PPIG: variants seen among roughly 807,000 people sequenced by gnomAD.
PPIG encodes the protein peptidylprolyl isomerase G.
A neutral mutation model predicts 87.9 loss-of-function variants in PPIG; 26 were observed. That is an observed-to-expected ratio of 0.30 (90% CI 0.22 to 0.41). The LOEUF (loss-of-function observed/expected upper bound fraction) is 0.41, where lower values mean the gene tolerates loss of function less well. Ranked by LOEUF, PPIG falls within the 10% of genes least tolerant of loss-of-function variation. The pLI, the probability that PPIG is intolerant of heterozygous loss-of-function variation, is 1.00. For synonymous variants in PPIG, 308 were observed against 276.5 expected, an observed-to-expected ratio of 1.11 and a Z score of -1.13; for missense variants, 722 against 879.4, an observed-to-expected ratio of 0.82 and a Z score of 2.26.
chr2:169,587,776 G>A (rs1463932356), intron 1 of PPIG, among the ~76,000 whole-genome samples: 5 of 152,068 alleles, frequency 3.3e-5, no homozygotes, highest in Non-Finnish European at 1.5e-5. Context: ...TTAGAATAAT[G>A]GCTTAAAATG....
At chr2:169,590,426 G>T (rs1684832768) in intron 1 of PPIG, among the ~76,000 whole-genome samples, 1 of 152,174 alleles carries the variant, frequency 6.6e-6, no homozygotes, top group South Asian at 2.1e-4. Flanking sequence ...GGATCACCAG[G>T]TCAGGAGATC....
At position 169,608,690 on chromosome 2, in the gene PPIG, A is replaced by G. The variant is rs199774554; in HGVS notation, c.309A>G (p.Lys103=). Residue 103 remains lysine (K), a synonymous_variant, in exon 7 of 14, where the codon AAA becomes AAG. Coordinates refer to ENST00000260970, the MANE Select transcript of PPIG (RefSeq NM_004792.3). ...CTATAGACGAGAGTTTCGCTGTTAA[A>G]CACAACAAAGAATTTCTCTTGTCAA... ...GFFEDESFAV[K]HNKEFLLSMA... 1.9e-6 allele frequency: 3 copies of G among 1,610,076 alleles called. No individual in the cohort carries two copies. Among genetic ancestry groups the G allele is most frequent in the African/African-American group, 2.7e-5 (2 of 74,956 alleles).
At position 169,602,996 on chromosome 2, in the gene PPIG, A is replaced by G. The variant is rs1685226063; in HGVS notation, c.-69-646A>G. Among the ~76,000 whole-genome samples, 3 of 152,194 alleles carry G rather than the reference A, an allele frequency of 2.0e-5. No homozygotes were observed. The East Asian group carries it at 5.8e-4, about 29-fold the overall frequency. ...GATAATGAGGTATGAGGGAAAGTGG[A>G]ACCGAAGATGACCCCCAGGTTTTCA... On this transcript the variant is annotated intron_variant, in intron 1 of 13. Coordinates refer to ENST00000260970, the MANE Select transcript of PPIG (RefSeq NM_004792.3).
At chr2:169,635,770 G>T (rs143161183) in intron 12 of PPIG, among the ~76,000 whole-genome samples, 25 of 152,280 alleles carry the variant, frequency 1.6e-4, no homozygotes, top group Non-Finnish European at 4.4e-5. Context: ...TGGAGAAGAC[G>T]TATGGCTAGC....
At chr2:169,631,670 A>G in intron 10 of PPIG, 96 bp from the exon 11 acceptor site, 2 of 1,580,650 alleles carry the variant, frequency 1.3e-6, no homozygotes, top group Non-Finnish European at 1.7e-6. Flanking sequence ...TGTTTATATT[A>G]TAGTGATATA....
intron 5 of PPIG, 147 bp downstream of exon 5, chr2:169,606,293 T>TAAAAGAAGG (rs1388211875): frequency 2.8e-6 from 2 of 711,186 alleles, no homozygotes; most frequent in East Asian, 5.6e-5. Flanking sequence ...TAGAAATATG[T>TAAAAGAAGG]AAAAGAAGGA....
intron 1 of PPIG, among the ~76,000 whole-genome samples, chr2:169,592,438 G>A (rs964811182): frequency 7.3e-5 from 11 of 151,212 alleles, no homozygotes; most frequent in Non-Finnish European, 1.2e-4. Context: ...CAGAGTAGCT[G>A]GGACTACAGG....
At chr2:169,607,183 A>G in intron 6 of PPIG, 35 bp downstream of exon 6, 2 of 1,317,490 alleles carry the variant, frequency 1.5e-6, no homozygotes, top group South Asian at 1.3e-5. Context: ...TGTTTTAAAT[A>G]TTTTGTCTTT....
At chr2:169,591,730 C>T (rs1160884128) in intron 1 of PPIG, among the ~76,000 whole-genome samples, 3 of 150,804 alleles carry the variant, frequency 2.0e-5, no homozygotes, top group Non-Finnish European at 4.4e-5. Context: ...CTGTTGGGAG[C>T]AGACTATGCT....
chr2:169,629,393 A>T (rs1685979065), intron 9 of PPIG, among the ~76,000 whole-genome samples: 1 of 152,244 alleles, frequency 6.6e-6, no homozygotes, highest in South Asian at 2.1e-4. Context: ...GACAGTGTTC[A>T]GATTGTAATT....
chr2:169,620,225 T>G (rs886548306), intron 9 of PPIG, among the ~76,000 whole-genome samples: 3 of 152,172 alleles, frequency 2.0e-5, no homozygotes, highest in African/African-American at 7.2e-5. Flanking sequence ...AGTCTTATGT[T>G]TAAGTCATTA....
At chr2:169,591,557 T>C (rs1396455616) in intron 1 of PPIG, among the ~76,000 whole-genome samples, 1 of 152,174 alleles carries the variant, frequency 6.6e-6, no homozygotes, top group Non-Finnish European at 1.5e-5. Context: ...TTATTAAAAA[T>C]GTGTTTTCAT....
intron 1 of PPIG, among the ~76,000 whole-genome samples, chr2:169,596,523 G>T (rs528694510): frequency 6.6e-6 from 1 of 152,308 alleles, no homozygotes; most frequent in Non-Finnish European, 1.5e-5. Flanking sequence ...CCTTTAGACT[G>T]CTCAGTGAGG....
At chr2:169,607,222 T>G in intron 6 of PPIG, 74 bp downstream of exon 6, 2 of 967,660 alleles carry the variant, frequency 2.1e-6, no homozygotes, top group South Asian at 3.2e-5. Flanking sequence ...ATGGAATCAA[T>G]AACATTATTC....
intron 1 of PPIG, among the ~76,000 whole-genome samples, chr2:169,585,493 T>G (rs1684676002): frequency 6.6e-6 from 1 of 151,962 alleles, no homozygotes; most frequent in African/African-American, 2.4e-5. Flanking sequence ...TCTCCTGACC[T>G]CGTGATCCGC....
intron 1 of PPIG, among the ~76,000 whole-genome samples, chr2:169,587,249 CT>C (rs200396581): frequency 1.0e-4 from 14 of 137,788 alleles, no homozygotes; most frequent in African/African-American, 1.3e-4. Flanking sequence ...CTGACTTTTG[CT>C]TTTTTTTTTG....
At chr2:169,627,874 A>G (rs1490789461) in intron 9 of PPIG, among the ~76,000 whole-genome samples, 2 of 151,990 alleles carry the variant, frequency 1.3e-5, no homozygotes, top group Non-Finnish European at 2.9e-5. Flanking sequence ...ATATTTTAAC[A>G]AGTATATTTT....
chr2:169,625,371 T>C (rs893965309), intron 9 of PPIG, among the ~76,000 whole-genome samples: 13 of 152,354 alleles, frequency 8.5e-5, no homozygotes, highest in Non-Finnish European at 2.9e-5. Context: ...AGAATGAATT[T>C]CCTAGAAATG....
chr2:169,627,638 C>T (rs1685926287), intron 9 of PPIG, among the ~76,000 whole-genome samples: 1 of 150,590 alleles, frequency 6.6e-6, no homozygotes, highest in South Asian at 2.1e-4. Context: ...GTGATTCTCC[C>T]TGCTCAGCCT....
Sources: gnomAD v4.1 joint callset for allele counts (sites outside exome capture counted in the v4.1 genomes callset) on GRCh38, gnomAD v4.1.1 for gene constraint, MANE v1.5 for transcripts, NCBI Gene and HGNC (gene_info 2026-07-23, HGNC 2026-07-21) for gene names.